The following TNNI3K variants were observed in gnomAD, a reference collection of about 807,000 sequenced individuals.
TNNI3K encodes the protein TNNI3 interacting kinase, also known as serine/threonine-protein kinase TNNI3K.
TNNI3K carries 140 observed loss-of-function variants against 114.5 expected under a neutral mutation model. The observed-to-expected ratio is 1.22, with a 90% CI of 1.07 to 1.41. The LOEUF (loss-of-function observed/expected upper bound fraction) is 1.41. Among genes scored for constraint, TNNI3K ranks in the 40% most tolerant of loss-of-function variants. The pLI, the probability that TNNI3K is intolerant of heterozygous loss-of-function variation, is 0.00. For missense variants in TNNI3K, 1,125 were observed against 1,007.6 expected (o/e 1.12, Z -1.58); for synonymous variants, 347 against 347.5 (o/e 1.00, Z 0.02).
intron 23 of TNNI3K, among the ~76,000 whole-genome samples, chr1:74,536,854 A>G (rs2100456318): frequency 6.6e-6 from 1 of 152,272 alleles, no homozygotes; most frequent in Non-Finnish European, 1.5e-5. Flanking sequence ...CAGCTGCATC[A>G]CTGTATTTTC....
chr1:74,499,389 C>T (rs1428024826), intron 23 of TNNI3K, among the ~76,000 whole-genome samples: 3 of 152,212 alleles, frequency 2.0e-5, no homozygotes, highest in East Asian at 3.9e-4. Context: ...ATTCAGCTTC[C>T]TAAAGTGCTG....
chr1:74,543,294 G>A (rs999876084), intron 24 of TNNI3K, among the ~76,000 whole-genome samples: 2 of 151,706 alleles, frequency 1.3e-5, no homozygotes, highest in African/African-American at 2.4e-5. Context: ...GGATGGTCTC[G>A]ATCTCCCGAC....
At chr1:74,424,732 AAAAGAG>A (rs1665551778) in intron 17 of TNNI3K, among the ~76,000 whole-genome samples, 1 of 151,546 alleles carries the variant, frequency 6.6e-6, no homozygotes, top group African/African-American at 2.4e-5. Context: ...AAAAAAAAAA[AAAAGAG>A]AGAGACATAG....
At chr1:74,445,406 T>C (rs1666598630) in intron 20 of TNNI3K, among the ~76,000 whole-genome samples, 1 of 108,550 alleles carries the variant, frequency 9.2e-6, no homozygotes, top group African/African-American at 3.6e-5. Context: ...GAGTGTGATA[T>C]TCCCCTTCCT....
At chr1:74,270,731 T>G (rs748642445) in intron 4 of TNNI3K, among the ~76,000 whole-genome samples, 1 of 151,730 alleles carries the variant, frequency 6.6e-6, no homozygotes, top group Non-Finnish European at 1.5e-5. Context: ...TGCTACTTGG[T>G]GTGTTGATAG....
intron 5 of TNNI3K, among the ~76,000 whole-genome samples, chr1:74,296,144 CG>C (rs1406627873): frequency 6.6e-6 from 1 of 151,804 alleles, no homozygotes; most frequent in African/African-American, 2.4e-5. Flanking sequence ...GGCGAGGCGG[CG>C]GGCGCCTGTA....
chr1:74,514,735 T>TA (rs1646323888), intron 23 of TNNI3K, among the ~76,000 whole-genome samples: 1 of 152,030 alleles, frequency 6.6e-6, no homozygotes, highest in African/African-American at 2.4e-5. Flanking sequence ...GAACTCATGA[T>TA]AAAAAACAAG....
intron 21 of TNNI3K, among the ~76,000 whole-genome samples, chr1:74,479,971 TCC>T (rs1299670906): frequency 2.0e-5 from 3 of 152,218 alleles, no homozygotes; most frequent in Admixed American, 6.5e-5. Context: ...TTAGACAGCT[TCC>T]CTGAAACAGG....
chr1:74,235,462 A>T lies in TNNI3K; in HGVS notation c.11A>T (p.Tyr4Phe). The T allele has an allele frequency of 6.6e-7, 1 of 1,518,560 alleles. No individual in the cohort carries two copies. The highest frequency in any genetic ancestry group is 2.3e-5 in the East Asian group (1 of 43,134). 94.1% of individuals were successfully genotyped at this position (1,518,560 alleles called of 1,614,324 possible). The change falls in exon 1 of 25, where the codon TAT becomes TTT. Residue 4 changes from tyrosine to phenylalanine, a missense_variant. By Grantham distance (22) the Tyr-to-Phe change is conservative (BLOSUM62 3). Coordinates refer to ENST00000326637, the MANE Select transcript of TNNI3K (RefSeq NM_015978.3). Reference protein sequence around the residue: MGNYKSRPTQTCTD... With the variant: MGNFKSRPTQTCTD... Reference sequence around the variant, plus strand: ...AGAAACTTATAATAAATGGGAAATTATAAATCTAGACCAACCCAAACTTGT... The same window carrying T: ...AGAAACTTATAATAAATGGGAAATTTTAAATCTAGACCAACCCAAACTTGT...
At position 74,489,243 on chromosome 1, in the gene TNNI3K, AT is replaced by A. The variant is rs1557601602; in HGVS notation, c.2178del (p.Ile726MetfsTer3). On this transcript the variant is annotated frameshift_variant, in exon 22 of 25. Transcript: ENST00000326637. LOFTEE classifies it high-confidence loss of function. ...GAAGTTAGAAGAGTGTCTCTGCAACATTGAGGTAAAAGCTTTAGCTTCTGAA... is the reference window on the plus strand; with the variant it reads ...GAAGTTAGAAGAGTGTCTCTGCAACATGAGGTAAAAGCTTTAGCTTCTGAA... ...VMKLEECLCN[I>X]ELMSPASSNS... The A allele has an allele frequency of 1.9e-6, 3 of 1,611,312 alleles. No individual in the cohort carries two copies. Among genetic ancestry groups the A allele is most frequent in the Non-Finnish European group, 2.5e-6 (3 of 1,178,884 alleles).
intron 21 of TNNI3K, among the ~76,000 whole-genome samples, chr1:74,479,286 A>C (rs1668358571): frequency 6.6e-6 from 1 of 152,230 alleles, no homozygotes; most frequent in East Asian, 1.9e-4. Context: ...TTTGGTCTTC[A>C]ACTAATGACA....
intron 7 of TNNI3K, among the ~76,000 whole-genome samples, chr1:74,336,629 C>T (rs1428564759): frequency 6.6e-6 from 1 of 151,464 alleles, no homozygotes; most frequent in African/African-American, 2.4e-5. Flanking sequence ...CGATAGTTTA[C>T]TGAGAATGAT....
At chr1:74,294,565 T>A (rs1657868185) in intron 5 of TNNI3K, among the ~76,000 whole-genome samples, 1 of 152,068 alleles carries the variant, frequency 6.6e-6, no homozygotes, top group African/African-American at 2.4e-5. Flanking sequence ...AAAGTGTGGC[T>A]TATTTTTTGA....
At chr1:74,534,630 T>C (rs1190658050) in intron 23 of TNNI3K, among the ~76,000 whole-genome samples, 1 of 152,166 alleles carries the variant, frequency 6.6e-6, no homozygotes, top group Non-Finnish European at 1.5e-5. Flanking sequence ...TATTTCTTCT[T>C]GGGACTTGCT....
At chr1:74,337,402 G>A (rs897054383) in intron 7 of TNNI3K, among the ~76,000 whole-genome samples, 19 of 151,752 alleles carry the variant, frequency 1.3e-4, no homozygotes, top group African/African-American at 4.6e-4. Flanking sequence ...TGCTTTTGGT[G>A]TTTTAGACAT....
chr1:74,334,962 T>A (rs1660391240), intron 6 of TNNI3K, among the ~76,000 whole-genome samples: 1 of 152,154 alleles, frequency 6.6e-6, no homozygotes, highest in Non-Finnish European at 1.5e-5. Context: ...GTTTTCAAGG[T>A]CAAAAAATGT....
chr1:74,253,085 C>T (rs1655044148), intron 4 of TNNI3K, among the ~76,000 whole-genome samples: 1 of 152,134 alleles, frequency 6.6e-6, no homozygotes, highest in Admixed American at 6.5e-5. Flanking sequence ...TCTCCACATC[C>T]CCACTAGATT....
intron 5 of TNNI3K, among the ~76,000 whole-genome samples, chr1:74,276,177 A>T (rs1190679167): frequency 1.3e-5 from 2 of 152,104 alleles, no homozygotes; most frequent in Non-Finnish European, 2.9e-5. Context: ...CAAATTTTCA[A>T]GTGGAAATGT....
chr1:74,519,534 T>G (rs1646400591), intron 23 of TNNI3K, among the ~76,000 whole-genome samples: 1 of 151,302 alleles, frequency 6.6e-6, no homozygotes, highest in Admixed American at 6.6e-5. Flanking sequence ...CCGCATCCTC[T>G]CCAGCACCTG....
Sources: gnomAD v4.1 joint callset for allele counts (sites outside exome capture counted in the v4.1 genomes callset) on GRCh38, gnomAD v4.1.1 for gene constraint, MANE v1.5 for transcripts, NCBI Gene and HGNC (gene_info 2026-07-23, HGNC 2026-07-21) for gene names.